The following MTCH1 variants were observed in gnomAD, a reference collection of about 807,000 sequenced individuals.
The protein encoded by MTCH1 is mitochondrial carrier 1.
A neutral mutation model predicts 49.3 loss-of-function variants in MTCH1; 23 were observed. The ratio of observed to expected loss-of-function variants is 0.47; its 90% CI spans 0.34 to 0.66. The LOEUF is 0.66. MTCH1 is among the 30% of genes least tolerant of loss of function. The pLI is 0.01. For synonymous variants in MTCH1, 229 were observed against 215.2 expected (o/e 1.06, Z -0.56); for missense variants, 397 against 532.1 (o/e 0.75, Z 2.50).
intron 6 of MTCH1, chr6:36,976,359 A>G: frequency 2.8e-6 from 1 of 354,956 alleles, no homozygotes. Flanking sequence ...GCTCAATAAC[A>G]ACCTACTAAC....
At position 36,970,120 on chromosome 6, in the gene MTCH1, G is replaced by A. The variant is rs375534566; in HGVS notation, c.1023-6C>T. The A allele has an allele frequency of 1.1e-3, 1,794 of 1,613,654 alleles. 6 individuals are homozygous for A. Among genetic ancestry groups the A allele is most frequent in the Non-Finnish European group, 1.3e-3 (1,584 of 1,179,656 alleles). On this transcript the variant is annotated splice_polypyrimidine_tract_variant and splice_region_variant and intron_variant, in intron 10 of 11. Transcript: ENST00000373627. ...GGGGGAGCCCAGCTTGCAGCCTGCC[G>A]GAGAAGGAGAGTGTAGATGCAGAGA...
At chr6:36,971,091 C>T (rs149832045) in intron 8 of MTCH1, among the ~76,000 whole-genome samples, 25 of 152,288 alleles carry the variant, frequency 1.6e-4, no homozygotes, top group Non-Finnish European at 2.9e-4. Context: ...CCAGGCTTAT[C>T]GCCACCTCCA....
chr6:36,986,070 C>A lies in MTCH1; in HGVS notation c.104G>T (p.Gly35Val). The A allele has an allele frequency of 6.9e-7, 1 of 1,441,438 alleles. No individual in the cohort carries two copies. Among genetic ancestry groups the A allele is most frequent in the Middle Eastern group, 2.4e-4 (1 of 4,082 alleles). The allele number at this position is 1,441,438 out of a possible 1,614,324, so 89.3% of individuals were successfully genotyped here. ...GAGARGGAAA[G>V]VEARARDPPP... Reference sequence around the variant, plus strand: ...TGGATCGCGAGCTCGAGCCTCGACCCCCGCCGCCGCTCCGCCGCGAGCTCC... The same window carrying A: ...TGGATCGCGAGCTCGAGCCTCGACCACCGCCGCCGCTCCGCCGCGAGCTCC... Residue 35 changes from glycine to valine, a missense_variant, in exon 1 of 12, where the codon GGG (glycine) becomes GTG (valine). Gly to Val is a moderately radical substitution (Grantham distance 109, BLOSUM62 -3). Around this residue, in one of 2 missense-constraint regions of MTCH1, gnomAD observed 145 missense variants for 143.8 expected, o/e 1.01. Coordinates refer to ENST00000373627, the MANE Select transcript of MTCH1 (RefSeq NM_001271641.2).
chr6:36,983,731 A>G (rs1158374360), intron 1 of MTCH1, among the ~76,000 whole-genome samples: 1 of 152,156 alleles, frequency 6.6e-6, no homozygotes, highest in Non-Finnish European at 1.5e-5. Context: ...GCACTAATCT[A>G]AGGCACTGCA....
intron 1 of MTCH1, among the ~76,000 whole-genome samples, 165 bp downstream of exon 1, chr6:36,985,688 C>T (rs1473412254): frequency 6.6e-6 from 1 of 152,100 alleles, no homozygotes; most frequent in Non-Finnish European, 1.5e-5. Flanking sequence ...TTCCCAACTC[C>T]CTCACGGCTT....
intron 7 of MTCH1, among the ~76,000 whole-genome samples, chr6:36,973,517 A>C (rs1223408547): frequency 6.6e-6 from 1 of 152,228 alleles, no homozygotes; most frequent in Non-Finnish European, 1.5e-5. Context: ...TGAAAAACTC[A>C]AAAGAATATA....
rs1264295336 is a variant in MTCH1 at position 36,972,563 on chromosome 6, T to C, written c.906+89A>G. The C allele has an allele frequency of 6.9e-7, 1 of 1,443,930 alleles. No individual in the cohort carries two copies. The highest frequency in any genetic ancestry group is 2.2e-5 in the Admixed American group (1 of 45,262). The allele number at this position is 1,443,930 out of a possible 1,614,324, so 89.4% of individuals were successfully genotyped here. On this transcript the variant is annotated intron_variant, in intron 8 of 11. Transcript: ENST00000373627. The surrounding 1 kb of genome is among the most constrained non-coding windows in gnomAD (Gnocchi z 4.1). ...GTCCTCTCTCACCCTCCCGGCCTGA[T>C]GCTGAGAATCCCAGAATCCTTGAGT...
Position 36,972,856 on chromosome 6 carries a change from C to G in MTCH1, c.762-60G>C. 1 of 1,466,342 alleles carries G rather than the reference C, an allele frequency of 6.8e-7. No homozygotes were observed. The highest frequency in any genetic ancestry group is 9.3e-7 in the Non-Finnish European group (1 of 1,079,336). The allele number at this position is 1,466,342 out of a possible 1,614,324, so 90.8% of individuals were successfully genotyped here. ...GGGAGAGGAGCAGTTCCTGGGGGCT[C>G]CACACCCAGGAAGCAGGCAGGGATG... On this transcript the variant is annotated intron_variant, in intron 7 of 11. Coordinates refer to ENST00000373627, the MANE Select transcript of MTCH1 (RefSeq NM_001271641.2). The surrounding 1 kb of genome is among the most constrained non-coding windows in gnomAD (Gnocchi z 4.1).
At chr6:36,969,016 C>T (rs775917607) in intron 11 of MTCH1, 42 bp from the exon 12 acceptor site, 20 of 1,607,678 alleles carry the variant, frequency 1.2e-5, no homozygotes, top group African/African-American at 5.4e-5. Flanking sequence ...AGGGAGGCCA[C>T]GCTTCCTTGT....
In MTCH1 at chr6:36,968,423, T is replaced by G. The variant is rs1763553950; in HGVS notation, c.*480A>C. Reference sequence around the variant, plus strand: ...CACAGGCAGAGCCTGGCCATTTGCCTCCTAGCATAGGCCTAGACATGATGG... The same window carrying G: ...CACAGGCAGAGCCTGGCCATTTGCCGCCTAGCATAGGCCTAGACATGATGG... On this transcript the variant is annotated 3_prime_UTR_variant, in exon 12 of 12. Transcript: ENST00000373627. 2 of 285,098 alleles carry G rather than the reference T, an allele frequency of 7.0e-6. No individual in the cohort carries two copies. The highest frequency in any genetic ancestry group is 1.9e-4 in the East Asian group (2 of 10,676). The allele number at this position is 285,098 out of a possible 1,614,324, so 17.7% of individuals were successfully genotyped here.
At chr6:36,986,271 GGGGAGCTCGGGAGCGTGGT>G, upstream of MTCH1, 1 of 1,145,682 alleles carries the variant, frequency 8.7e-7, no homozygotes, top group Non-Finnish European at 1.1e-6. Context: ...CCAGGCCGCG[GGGGAGCTCGGGAGCGTGGT>G]GCGGCGGGTG....
intron 2 of MTCH1, among the ~76,000 whole-genome samples, chr6:36,980,255 G>A (rs1002414561): frequency 6.6e-6 from 1 of 152,250 alleles, no homozygotes; most frequent in African/African-American, 2.4e-5. Context: ...TAAGATGGGG[G>A]TCAAGTTCCC....
chr6:36,970,855 G>A, intron 8 of MTCH1, 161 bp from the exon 9 acceptor site: 1 of 823,184 alleles, frequency 1.2e-6, no homozygotes, highest in South Asian at 1.6e-5. Flanking sequence ...GAAGGCCTGG[G>A]GGGCAGAAAC....
rs988363803 is a variant in MTCH1, at chr6:36,968,958, C to T, written c.1115G>A (p.Gly372Asp). 6.2e-7 allele frequency: 1 copy of T among 1,614,098 alleles called. No homozygotes were observed. The highest frequency in any genetic ancestry group is 8.5e-7 in the Non-Finnish European group (1 of 1,179,982). The change falls in exon 12 of 12, where the codon GGC becomes GAC. Residue 372 changes from glycine to aspartate, a missense_variant. Gly to Asp is a moderately conservative substitution (Grantham distance 94, BLOSUM62 -1). This residue lies in a region of MTCH1 where 252 missense variants were observed against 388.3 expected (regional missense o/e 0.65). Coordinates refer to ENST00000373627, the MANE Select transcript of MTCH1 (RefSeq NM_001271641.2). ...YLSVQGQLFR[G>D]SSLLFRRVSS... ...CACCCGGCGGAAAAGCAGGCTGGAG[C>T]CTCGGAAGAGCTGGCCCTGGACCAG...
chr6:36,973,547 G>A (rs1209714176), intron 7 of MTCH1, among the ~76,000 whole-genome samples: 1 of 152,194 alleles, frequency 6.6e-6, no homozygotes, highest in East Asian at 1.9e-4. Context: ...TCTATGAAGA[G>A]TATTAATAAA....
intron 1 of MTCH1, among the ~76,000 whole-genome samples, chr6:36,984,320 A>G (rs1583270009): frequency 6.6e-6 from 1 of 152,092 alleles, no homozygotes; most frequent in Non-Finnish European, 1.5e-5. Flanking sequence ...TCTGGTCTAC[A>G]CCTTCCGCCA....
chr6:36,986,053 G>C lies in MTCH1; in HGVS notation c.121C>G (p.Arg41Gly), dbSNP rs1199724312. The change falls in exon 1 of 12, where the codon CGC becomes GGC. Residue 41 changes from arginine to glycine, a missense_variant. By Grantham distance (125) the Arg-to-Gly change is moderately radical (BLOSUM62 -2). Coordinates refer to ENST00000373627, the MANE Select transcript of MTCH1 (RefSeq NM_001271641.2). The stretch of plus-strand genomic sequence containing the variant: ...GCGCGGTGCGCGGGCGGTGGATCGC[G>C]AGCTCGAGCCTCGACCCCCGCCGCC... Reference protein sequence around the residue: ...GAAAGVEARARDPPPAHRAHP... With the variant: ...GAAAGVEARAGDPPPAHRAHP... 2 of 1,478,020 alleles carry C rather than the reference G, an allele frequency of 1.4e-6. No homozygotes were observed. The highest frequency in any genetic ancestry group is 4.8e-5 in the Admixed American group (2 of 41,860). 91.6% of individuals were successfully genotyped at this position (1,478,020 alleles called of 1,614,324 possible).
intron 7 of MTCH1, among the ~76,000 whole-genome samples, chr6:36,975,080 C>G (rs1394150184): frequency 6.6e-6 from 1 of 152,212 alleles, no homozygotes; most frequent in African/African-American, 2.4e-5. Flanking sequence ...AGACCATGTG[C>G]CCTGCCAAAG....
intron 8 of MTCH1, among the ~76,000 whole-genome samples, chr6:36,971,503 C>A (rs3778026): frequency 0.12 from 18,925 of 151,986 alleles, 1,321 homozygotes; most frequent in South Asian, 0.17. Flanking sequence ...CAAGGCCCCC[C>A]GAGAAGGGGC....
Sources: allele counts gnomAD v4.1 joint callset (sites outside exome capture counted in the v4.1 genomes callset), GRCh38; gene constraint gnomAD v4.1.1; regional missense constraint gnomAD v4.1.1; non-coding constraint Gnocchi (gnomAD v3.1); transcripts MANE v1.5; gene names NCBI Gene and HGNC (gene_info 2026-07-23, HGNC 2026-07-21).